The following ZC3H8 variants were observed in gnomAD, a reference collection of about 807,000 sequenced individuals.
ZC3H8 encodes the protein zinc finger CCCH domain-containing protein 8.
In ZC3H8, 27 loss-of-function variants were observed where a neutral mutation model predicts 42.5. The observed-to-expected ratio is 0.64, with a 90% CI of 0.47 to 0.88. The LOEUF (loss-of-function observed/expected upper bound fraction) is 0.88. Ranked by LOEUF, ZC3H8 falls within the 40% of genes least tolerant of loss-of-function variation. ZC3H8 has a pLI of 0.00. For synonymous variants in ZC3H8, 101 were observed against 110.1 expected, an observed-to-expected ratio of 0.92 and a Z score of 0.52; for missense variants, 277 against 336.1, an observed-to-expected ratio of 0.82 and a Z score of 1.37.
intron 2 of ZC3H8, among the ~76,000 whole-genome samples, chr2:112,239,360 A>G (rs1055675959): frequency 2.0e-5 from 3 of 152,228 alleles, no homozygotes; most frequent in African/African-American, 7.2e-5. Context: ...TTTTTAAAAA[A>G]TGACCAAGTA....
At chr2:112,245,055 T>C (rs1026851288) in intron 2 of ZC3H8, among the ~76,000 whole-genome samples, 2 of 152,240 alleles carry the variant, frequency 1.3e-5, no homozygotes, top group Admixed American at 6.5e-5. Flanking sequence ...GTAAGCCAAA[T>C]AGCCAACTTG....
At chr2:112,223,267 G>GA (rs958756070) in intron 8 of ZC3H8, among the ~76,000 whole-genome samples, 5 of 148,896 alleles carry the variant, frequency 3.4e-5, no homozygotes, top group East Asian at 2.0e-4. Context: ...TTTAAAAAAA[G>GA]AAAAAAAAAG....
At chr2:112,224,176 A>G (rs936261086) in intron 8 of ZC3H8, among the ~76,000 whole-genome samples, 1 of 152,176 alleles carries the variant, frequency 6.6e-6, no homozygotes, top group Non-Finnish European at 1.5e-5. Context: ...AATATTAATG[A>G]TATTTGAAAA....
chr2:112,245,670 G>T (rs1399286445), intron 2 of ZC3H8, among the ~76,000 whole-genome samples: 1 of 152,118 alleles, frequency 6.6e-6, no homozygotes, highest in Non-Finnish European at 1.5e-5. Flanking sequence ...CAATGTGCAT[G>T]ATGAAGCAAC....
intron 2 of ZC3H8, among the ~76,000 whole-genome samples, chr2:112,245,899 T>G (rs56116941): frequency 6.6e-6 from 1 of 152,180 alleles, no homozygotes. Flanking sequence ...AAAATTGCAC[T>G]TGCACCCCGT....
rs1260701820 is a variant in ZC3H8 at position 112,211,651 on chromosome 2, C to A, written c.*4833G>T. 1 of 152,090 alleles carries A rather than the reference C, an allele frequency of 6.6e-6. No homozygotes were observed. The highest frequency in any genetic ancestry group is 1.5e-5 in the Non-Finnish European group (1 of 68,026). The allele number at this position is 152,090 out of a possible 1,614,324, so 9.4% of individuals were successfully genotyped here. On this transcript the variant is annotated 3_prime_UTR_variant, in exon 9 of 9. Transcript: ENST00000409573. ...TTATGTACTGCTAAGAAAACAATAA[C>A]CTGCTAATTAAAATGAGTCTATCAA...
At chr2:112,222,034 T>A (rs1042903861) in intron 8 of ZC3H8, among the ~76,000 whole-genome samples, 4 of 152,066 alleles carry the variant, frequency 2.6e-5, no homozygotes, top group African/African-American at 9.7e-5. Flanking sequence ...TTGGGTAGAT[T>A]TTTTGCTTTT....
intron 7 of ZC3H8, among the ~76,000 whole-genome samples, chr2:112,231,588 TG>T (rs1685091742): frequency 6.6e-6 from 1 of 152,198 alleles, no homozygotes; most frequent in Non-Finnish European, 1.5e-5. Flanking sequence ...GCTATTAAAA[TG>T]GCTAATTATA....
chr2:112,254,873 C>A, intron 1 of ZC3H8, 35 bp downstream of exon 1: 2 of 1,607,458 alleles, frequency 1.2e-6, no homozygotes, highest in South Asian at 1.1e-5. Context: ...CCCGCTGAGC[C>A]CCTGCATTCA....
Position 112,230,928 on chromosome 2 carries a change from GA to G in ZC3H8, c.865del (p.Ser289HisfsTer10), listed in dbSNP as rs1211249402. 7.9e-7 allele frequency: 1 copy of G among 1,270,036 alleles called. No individual in the cohort carries two copies. The highest frequency in any genetic ancestry group is 1.6e-5 in the African/African-American group (1 of 63,364). The allele number at this position is 1,270,036 out of a possible 1,614,324, so 78.7% of individuals were successfully genotyped here. A position where few individuals can be genotyped will look rare whatever the true frequency, so the allele number is the denominator to read the frequency against. On this transcript the variant is annotated frameshift_variant, in exon 8 of 9. Transcript: ENST00000409573. LOFTEE classifies it high-confidence loss of function. ...CTTTTTATGTCTATTTTATTTACAT[GA>G]CTTCTTTTCAGTATCCAAAACCTAA... The part of the protein sequence containing the change: ...LAKVLDTEKK[S>X]CK
chr2:112,250,693 T>C (rs754808191), intron 1 of ZC3H8, among the ~76,000 whole-genome samples: 2 of 152,168 alleles, frequency 1.3e-5, no homozygotes, highest in African/African-American at 2.4e-5. Flanking sequence ...TATTTCAATA[T>C]GGTATGGTAA....
At chr2:112,241,407 TA>T (rs1319646317) in intron 2 of ZC3H8, among the ~76,000 whole-genome samples, 2 of 152,116 alleles carry the variant, frequency 1.3e-5, no homozygotes, top group Non-Finnish European at 2.9e-5. Flanking sequence ...CTACTCACCA[TA>T]AAGCAGGGGT....
At chr2:112,234,361 T>C in intron 4 of ZC3H8, 125 bp from the exon 5 acceptor site, 1 of 676,882 alleles carries the variant, frequency 1.5e-6, no homozygotes, top group Non-Finnish European at 2.4e-6. Flanking sequence ...TTGGCCTTCA[T>C]ATGTAAAATT....
At position 112,212,612 on chromosome 2, in the gene ZC3H8, C is replaced by G. The variant is rs572276107; in HGVS notation, c.*3872G>C. On this transcript the variant is annotated 3_prime_UTR_variant, in exon 9 of 9. Transcript: ENST00000409573. ...GACATGAAATCTGAAGGTGAGGTATCGCTCATCTAAGACTGGTTAAGTCCA... is the reference window on the plus strand; with the variant it reads ...GACATGAAATCTGAAGGTGAGGTATGGCTCATCTAAGACTGGTTAAGTCCA... The G allele has an allele frequency of 6.6e-6, 1 of 152,226 alleles. No homozygotes were observed. The highest frequency in any genetic ancestry group is 2.4e-5 in the African/African-American group (1 of 41,540). The allele number at this position is 152,226 out of a possible 1,614,324, so 9.4% of individuals were successfully genotyped here. A position where few individuals can be genotyped will look rare whatever the true frequency, so the allele number is the denominator to read the frequency against.
Position 112,238,539 on chromosome 2 carries a change from A to C in ZC3H8, c.157-11T>G. 2 of 1,583,904 alleles carry C rather than the reference A, an allele frequency of 1.3e-6. No homozygotes were observed. Among genetic ancestry groups the C allele is most frequent in the Non-Finnish European group, 1.7e-6 (2 of 1,170,484 alleles). ...TGCAGAGTGTCTAAACTAAGTAAAAATTAAAACTTCAATTTTAAAAACCTA... is the reference window on the plus strand; with the variant it reads ...TGCAGAGTGTCTAAACTAAGTAAAACTTAAAACTTCAATTTTAAAAACCTA... On this transcript the variant is annotated splice_polypyrimidine_tract_variant and intron_variant, in intron 2 of 8. Coordinates refer to ENST00000409573, the MANE Select transcript of ZC3H8 (RefSeq NM_032494.3).
At chr2:112,254,729 C>T (rs1439280048) in intron 1 of ZC3H8, among the ~76,000 whole-genome samples, 179 bp downstream of exon 1, 1 of 152,230 alleles carries the variant, frequency 6.6e-6, no homozygotes, top group Non-Finnish European at 1.5e-5. Context: ...TCTGCTCCCA[C>T]CCGGACCCCG....
rs1189566284 is a variant in ZC3H8 at position 112,238,351 on chromosome 2, A to T, written c.334T>A (p.Ser112Thr). The T allele has an allele frequency of 6.2e-7, 1 of 1,613,684 alleles. No homozygotes were observed. The highest frequency in any genetic ancestry group is 1.1e-5 in the South Asian group (1 of 91,066). The change falls in exon 3 of 9, where the codon TCT (serine) becomes ACT (threonine). Residue 112 changes from serine (S) to threonine (T), a missense_variant. Physicochemically the swap from Ser to Thr is moderately conservative, Grantham distance 58. Coordinates refer to ENST00000409573, the MANE Select transcript of ZC3H8 (RefSeq NM_032494.3). ...EMANAAQPEE[S>T]TKKEGVKDTP... ...TCTTTTACTCCTTCTTTCTTTGTAGATTCTTCAGGTTGAGCAGCATTTGCC... is the reference window on the plus strand; with the variant it reads ...TCTTTTACTCCTTCTTTCTTTGTAGTTTCTTCAGGTTGAGCAGCATTTGCC...
rs1558934814 is a variant in ZC3H8, at chr2:112,250,190, C to T, written c.156+1G>A. 6.4e-7 allele frequency: 1 copy of T among 1,562,554 alleles called. No individual in the cohort carries two copies. The highest frequency in any genetic ancestry group is 8.7e-7 in the Non-Finnish European group (1 of 1,152,180). ...TTAAACAGTGGTCAACTTAATCTTA[C>T]TTTTTTGGGAATTTGCTCGCACTCC... On this transcript the variant is annotated splice_donor_variant, in intron 2 of 8. Transcript: ENST00000409573. LOFTEE classifies it high-confidence loss of function.
chr2:112,233,114 G>C (rs1474465643), intron 6 of ZC3H8, 146 bp downstream of exon 6: 3 of 541,640 alleles, frequency 5.5e-6, no homozygotes, highest in Non-Finnish European at 9.7e-6. Flanking sequence ...AAAAATCCAC[G>C]TACAATTTAA....
Sources: allele counts gnomAD v4.1 joint callset (sites outside exome capture counted in the v4.1 genomes callset), GRCh38; gene constraint gnomAD v4.1.1; transcripts MANE v1.5; gene names NCBI Gene and HGNC (gene_info 2026-07-23, HGNC 2026-07-21).